ZNF385B: variants seen among roughly 807,000 people sequenced by gnomAD.
The protein encoded by ZNF385B is zinc finger protein 533.
In ZNF385B, 23 loss-of-function variants were observed where a neutral mutation model predicts 39.2. The ratio of observed to expected loss-of-function variants is 0.59; its 90% CI spans 0.42 to 0.83. ZNF385B has a LOEUF of 0.83. ZNF385B is among the 40% of genes least tolerant of loss of function. The probability of loss-of-function intolerance (pLI) is 0.00; values close to 1 mark genes in which losing one functional copy is unlikely to be tolerated. For missense variants in ZNF385B, 552 were observed against 598.9 expected (o/e 0.92, Z 0.82); for synonymous variants, 205 against 222.6 (o/e 0.92, Z 0.70).
chr2:179,835,504 G>A (rs1179213254), intron 1 of ZNF385B, among the ~76,000 whole-genome samples: 1 of 152,130 alleles, frequency 6.6e-6, no homozygotes, highest in Non-Finnish European at 1.5e-5. Flanking sequence ...CGATGTGCTG[G>A]TGGTGGGGGG....
chr2:179,443,432 A>G lies in ZNF385B; in HGVS notation c.1279T>C (p.Leu427=). Residue 427 remains leucine (L), a synonymous_variant, in exon 10 of 10, where the codon TTG becomes CTG. Coordinates refer to ENST00000410066, the MANE Select transcript of ZNF385B (RefSeq NM_152520.6). ...LAFQKDMMKP[L]APAFLSSPLA... is the part of the protein sequence containing the mutation. ...GGTGAGGACAGGAAGGCTGGGGCCA[A>G]AGGCTTCATCATATCTTTCTGGAAT... is the stretch of plus-strand genomic sequence containing the variant. The G allele has an allele frequency of 6.2e-7, 1 of 1,609,058 alleles. No homozygotes were observed. The highest frequency in any genetic ancestry group is 8.5e-7 in the Non-Finnish European group (1 of 1,177,722).
chr2:179,466,592 G>A (rs1376002948), intron 6 of ZNF385B, among the ~76,000 whole-genome samples: 1 of 151,976 alleles, frequency 6.6e-6, no homozygotes, highest in East Asian at 1.9e-4. Context: ...TGTTATCAAC[G>A]ATTACATGGT....
rs146716492 is a variant in ZNF385B, at chr2:179,813,112, A to T, written c.-154-42440T>A. ...TACCTTTATTGACGTACTGATAAAG[A>T]TCATCACTATCTCATGATTATATAA... On this transcript the variant is annotated intron_variant, in intron 1 of 9. Coordinates refer to ENST00000410066, the MANE Select transcript of ZNF385B (RefSeq NM_152520.6). 4.7e-3 allele frequency among the ~76,000 whole-genome samples: 711 copies of T among 152,302 alleles called. 4 individuals are homozygous for T. Among genetic ancestry groups the T allele is most frequent in the African/African-American group, 0.016 (669 of 41,564 alleles).
At chr2:179,767,358 A>G (rs188573626) in intron 3 of ZNF385B, among the ~76,000 whole-genome samples, 44 of 152,310 alleles carry the variant, frequency 2.9e-4, no homozygotes, top group Admixed American at 7.2e-4. Flanking sequence ...GTTTCCCACC[A>G]CTAGGCTGAA....
intron 1 of ZNF385B, among the ~76,000 whole-genome samples, chr2:179,845,372 A>C (rs1323803170): frequency 1.3e-5 from 2 of 152,224 alleles, no homozygotes; most frequent in Non-Finnish European, 2.9e-5. Flanking sequence ...ATATAATGCC[A>C]GTCTAAAAAG....
At chr2:179,445,084 C>T in intron 8 of ZNF385B, 107 bp from the exon 9 acceptor site, 1 of 914,688 alleles carries the variant, frequency 1.1e-6, no homozygotes, top group Non-Finnish European at 1.8e-6. Flanking sequence ...GTCCATAGTT[C>T]CACGATGGTG....
intron 3 of ZNF385B, among the ~76,000 whole-genome samples, chr2:179,767,862 T>G (rs1169325801): frequency 1.3e-5 from 2 of 151,068 alleles, no homozygotes; most frequent in Non-Finnish European, 2.9e-5. Context: ...TTACTCAGGC[T>G]ATGTGTGCTC....
chr2:179,787,575 A>G (rs562760822), intron 1 of ZNF385B, among the ~76,000 whole-genome samples: 54 of 152,300 alleles, frequency 3.5e-4, no homozygotes, highest in African/African-American at 1.2e-3. Context: ...TTGAAAGCCA[A>G]TCGGGAAGGG....
intron 3 of ZNF385B, among the ~76,000 whole-genome samples, chr2:179,664,413 A>G (rs898487834): frequency 1.3e-5 from 2 of 152,126 alleles, no homozygotes; most frequent in Non-Finnish European, 2.9e-5. Flanking sequence ...TAGTTTTTCA[A>G]TTTTTCACAA....
Position 179,859,357 on chromosome 2 carries a change from CA to C in ZNF385B, c.-155+1743del, listed in dbSNP as rs903963575. Among the ~76,000 whole-genome samples, 22 of 152,242 alleles carry C rather than the reference CA, an allele frequency of 1.4e-4. 1 individual carries two copies. Among genetic ancestry groups the C allele is most frequent in the African/African-American group, 5.1e-4 (21 of 41,556 alleles). On this transcript the variant is annotated intron_variant, in intron 1 of 9. Transcript: ENST00000410066. ...TTGTTAAAATGCTGTAAAATATCAA[CA>C]TTTTTTTCAATATAGATGATACTTA...
intron 3 of ZNF385B, among the ~76,000 whole-genome samples, chr2:179,721,289 G>A (rs10193557): frequency 0.024 from 3,624 of 152,028 alleles, 158 homozygotes; most frequent in African/African-American, 0.08. Flanking sequence ...AAACATAAAC[G>A]CAATGAAAAC....
chr2:179,480,561 C>T (rs2053880613), intron 6 of ZNF385B, among the ~76,000 whole-genome samples: 1 of 152,148 alleles, frequency 6.6e-6, no homozygotes, highest in Non-Finnish European at 1.5e-5. Flanking sequence ...TTGTTTGGAC[C>T]AGATTTCCCA....
intron 5 of ZNF385B, among the ~76,000 whole-genome samples, chr2:179,501,211 C>T (rs2056726998): frequency 1.3e-5 from 2 of 152,092 alleles, no homozygotes; most frequent in South Asian, 2.1e-4. Context: ...ATTGAGCTAC[C>T]ACATGATCCA....
At chr2:179,696,378 G>A (rs1575261002) in intron 3 of ZNF385B, among the ~76,000 whole-genome samples, 1 of 83,988 alleles carries the variant, frequency 1.2e-5, no homozygotes, top group Non-Finnish European at 2.1e-5. Context: ...GATGCATTTT[G>A]ACTCACCTCT....
In ZNF385B at chr2:179,477,853, G is replaced by A. The variant is rs150997429; in HGVS notation, c.715+5419C>T. Among the ~76,000 whole-genome samples the A allele has an allele frequency of 6.6e-5, 10 of 151,828 alleles. No homozygotes were observed. In the East Asian group the frequency reaches 9.6e-4, roughly 15 times the overall value. ...ACTGAAACACTACAGATAATGTCCC[G>A]CATAGAAATTAAGGATTATCAATGA... On this transcript the variant is annotated intron_variant, in intron 6 of 9. Transcript: ENST00000410066.
At chr2:179,486,508 T>C (rs2054581703) in intron 5 of ZNF385B, among the ~76,000 whole-genome samples, 1 of 152,192 alleles carries the variant, frequency 6.6e-6, no homozygotes, top group South Asian at 2.1e-4. Flanking sequence ...TTTTAATGAC[T>C]CAGAGAAGGA....
At position 179,526,743 on chromosome 2, in the gene ZNF385B, C is replaced by T. The variant is rs76659536; in HGVS notation, c.442-8105G>A. Among the ~76,000 whole-genome samples the T allele has an allele frequency of 2.9e-4, 44 of 152,294 alleles. No individual in the cohort carries two copies. The East Asian group carries it at 7.9e-3, about 27-fold the overall frequency. ...GACACTGCTTCTCCTACCCAGAGCA[C>T]CCTGACAAGGGTCCACCTGAATGCT... On this transcript the variant is annotated intron_variant, in intron 4 of 9. Transcript: ENST00000410066.
In ZNF385B at chr2:179,769,629, G is replaced by A; in HGVS notation, c.172C>T (p.Leu58=). The A allele has an allele frequency of 1.2e-6, 2 of 1,614,140 alleles. No individual in the cohort carries two copies. The highest frequency in any genetic ancestry group is 1.7e-6 in the Non-Finnish European group (2 of 1,180,028). The part of the protein sequence containing the change: ...FSFCEVCNIQ[L]NSAAQAQVHS... ...ACCTGAGCCTGGGCTGCAGAGTTCA[G>A]CTGGATGTTGCACACCTCACAGAAG... The change falls in exon 3 of 10, where the codon CTG becomes TTG. Residue 58 remains leucine (L), a synonymous_variant. Transcript: ENST00000410066.
chr2:179,802,985 T>G (rs1706126754), intron 1 of ZNF385B, among the ~76,000 whole-genome samples: 1 of 152,184 alleles, frequency 6.6e-6, no homozygotes, highest in Admixed American at 6.5e-5. Context: ...TATCACTGAC[T>G]ACATGTCACG....
Sources: gnomAD v4.1 joint callset for allele counts (sites outside exome capture counted in the v4.1 genomes callset) on GRCh38, gnomAD v4.1.1 for gene constraint, MANE v1.5 for transcripts, NCBI Gene and HGNC (gene_info 2026-07-23, HGNC 2026-07-21) for gene names.